Variants in SLC28A1 observed in about 807,000 individuals in gnomAD.
The protein encoded by SLC28A1 is solute carrier family 28 member 1.
Under a neutral mutation model 74.8 loss-of-function variants are expected in SLC28A1, and 64 were observed. That is an observed-to-expected ratio of 0.86 (90% CI 0.70 to 1.05). The LOEUF (loss-of-function observed/expected upper bound fraction) is 1.05, where lower values mean the gene tolerates loss of function less well. Among genes scored for constraint, SLC28A1 ranks in the 50% least tolerant of loss-of-function variants. The pLI, the probability that SLC28A1 is intolerant of heterozygous loss-of-function variation, is 0.00. For synonymous variants in SLC28A1, 359 were observed against 335.0 expected (o/e 1.07, Z -0.78); for missense variants, 828 against 822.8 (o/e 1.01, Z -0.08).
Position 84,887,780 on chromosome 15 carries a change from G to T in SLC28A1, c.20G>T (p.Arg7Ile). Residue 7 changes from arginine to isoleucine, a missense_variant, in exon 3 of 19, where the codon AGA becomes ATA. Physicochemically the swap from Arg to Ile is moderately conservative, Grantham distance 97 (BLOSUM62 -3). Around this residue, in one of 3 missense-constraint regions of SLC28A1, gnomAD observed 767 missense variants for 753.5 expected, o/e 1.02. Coordinates refer to ENST00000394573, the MANE Select transcript of SLC28A1 (RefSeq NM_004213.5). ...TGGGACATGGAGAACGACCCCTCGA[G>T]ACGAAGAGAGTCCATCTCTCTCACA... MENDPS[R>I]RRESISLTPV... 1.2e-6 allele frequency: 2 copies of T among 1,614,154 alleles called. No individual in the cohort carries two copies. The highest frequency in any genetic ancestry group is 1.7e-6 in the Non-Finnish European group (2 of 1,180,000).
chr15:84,956,780 C>T, the SLC28A1 span, among the ~76,000 whole-genome samples: 1 of 151,158 alleles, frequency 6.6e-6, no homozygotes, highest in African/African-American at 2.4e-5. Flanking sequence ...GCTGGGATTA[C>T]AGACGTGAGC....
chr15:84,923,100 G>A (rs1281445461), intron 11 of SLC28A1, among the ~76,000 whole-genome samples: 1 of 152,124 alleles, frequency 6.6e-6, no homozygotes, highest in South Asian at 2.1e-4. Flanking sequence ...AGCATGCCCG[G>A]CTAATTTTTG....
downstream of SLC28A1, among the ~76,000 whole-genome samples, chr15:84,946,108 A>ATTTTTTTTTTT (rs1567196454): frequency 1.8e-4 from 2 of 11,126 alleles, no homozygotes; most frequent in African/African-American, 5.5e-4. Context: ...ATATATATAT[A>ATTTTTTTTTTT]TATATTTTTT....
At chr15:84,927,306 T>C (rs1970630630) in intron 12 of SLC28A1, among the ~76,000 whole-genome samples, 1 of 152,310 alleles carries the variant, frequency 6.6e-6, no homozygotes, top group African/African-American at 2.4e-5. Context: ...ATTTATTTAA[T>C]GCATACACAC....
chr15:84,956,443 CT>C, the SLC28A1 span, among the ~76,000 whole-genome samples: 42 of 66,022 alleles, frequency 6.4e-4, no homozygotes, highest in African/African-American at 2.2e-3. Context: ...TCCTTCCTTC[CT>C]TTCTTTCTTT....
At chr15:84,946,839 C>T (rs943452480), downstream of SLC28A1, among the ~76,000 whole-genome samples, 14 of 152,126 alleles carry the variant, frequency 9.2e-5, no homozygotes, top group Non-Finnish European at 2.1e-4. Context: ...ATCTCCCTGC[C>T]GCCTGCCCTG....
rs17222379 is a variant in SLC28A1 at position 84,933,159 on chromosome 15, G to A, written c.1098G>A (p.Ser366=). ...CACTCTTGCAGATCGATGCCACCTC[G>A]TTGATTGCAGCCTCTGTGATGGCTG... ...AYISFGIDAT[S]LIAASVMAAP... The change falls in exon 13 of 19, where the codon TCG becomes TCA. Residue 366 remains serine (S), a synonymous_variant. Coordinates refer to ENST00000394573, the MANE Select transcript of SLC28A1 (RefSeq NM_004213.5). The A allele has an allele frequency of 3.4e-4, 541 of 1,613,518 alleles. 2 individuals are homozygous for A. In the African/African-American group the frequency reaches 5.8e-3, roughly 17 times the overall value.
chr15:84,942,315 T>C (rs1972807234), intron 15 of SLC28A1, among the ~76,000 whole-genome samples: 1 of 152,232 alleles, frequency 6.6e-6, no homozygotes, highest in Non-Finnish European at 1.5e-5. Context: ...TATTTTTAAA[T>C]GTACAATTAA....
chr15:84,931,513 G>C (rs935983460), intron 12 of SLC28A1, among the ~76,000 whole-genome samples: 1 of 150,760 alleles, frequency 6.6e-6, no homozygotes, highest in Non-Finnish European at 1.5e-5. Flanking sequence ...TTAGCTGGGC[G>C]TGGTGGTGGG....
At chr15:84,968,810 A>G in the SLC28A1 span, among the ~76,000 whole-genome samples, 2 of 152,144 alleles carry the variant, frequency 1.3e-5, no homozygotes, top group Admixed American at 6.5e-5. Flanking sequence ...CTCATCCCCA[A>G]AGTTCTTTTT....
chr15:84,906,398 G>C (rs62021369), intron 8 of SLC28A1, among the ~76,000 whole-genome samples: 89,200 of 151,826 alleles, frequency 0.59, 26,324 homozygotes, highest in South Asian at 0.69. Context: ...TCACTGCAGC[G>C]TTGACATCCT....
chr15:84,928,595 T>TC (rs1567172558), intron 12 of SLC28A1, among the ~76,000 whole-genome samples: 9 of 15,164 alleles, frequency 5.9e-4, no homozygotes, highest in Admixed American at 2.2e-3. Flanking sequence ...TCTTTCTTTC[T>TC]TTCTTTCTTT....
At chr15:84,939,811 T>G (rs906620758) in intron 15 of SLC28A1, 1 of 152,270 alleles carries the variant, frequency 6.6e-6, no homozygotes, top group African/African-American at 2.4e-5. Flanking sequence ...TTTTGAGTGG[T>G]ATATATGTAT....
At position 84,932,994 on chromosome 15, in the gene SLC28A1, T is replaced by C; in HGVS notation, c.1084-151T>C. The C allele has an allele frequency of 4.9e-5, 12 of 246,770 alleles. 4 individuals are homozygous for C. Among genetic ancestry groups the C allele is most frequent in the Admixed American group, 2.0e-4 (2 of 10,204 alleles). The allele number at this position is 246,770 out of a possible 1,614,324, so 15.3% of individuals were successfully genotyped here. A position where few individuals can be genotyped will look rare whatever the true frequency, so the allele number is the denominator to read the frequency against. ...TGTGACCTTCTACACATAAAAGGTA[T>C]TATTATTATTAGTGATGACAGCAGT... On this transcript the variant is annotated intron_variant, in intron 12 of 18. Coordinates refer to ENST00000394573, the MANE Select transcript of SLC28A1 (RefSeq NM_004213.5).
Position 84,886,689 on chromosome 15 carries a change from A to G in SLC28A1, c.-115A>G, listed in dbSNP as rs1337539635. The stretch of plus-strand genomic sequence containing the variant: ...CTGCCCAGGAATTTCTGCTGAAGTG[A>G]CAAGGCAAGCCAGAGCCAAAGCAGG... On this transcript the variant is annotated 5_prime_UTR_variant, in exon 2 of 19. It removes the in-frame stop codon of an upstream open reading frame in the 5' UTR. Coordinates refer to ENST00000394573, the MANE Select transcript of SLC28A1 (RefSeq NM_004213.5). 4 of 985,388 alleles carry G rather than the reference A, an allele frequency of 4.1e-6. No individual in the cohort carries two copies. The African/African-American group carries it at 5.2e-5, about 13-fold the overall frequency. The allele number at this position is 985,388 out of a possible 1,614,324, so 61.0% of individuals were successfully genotyped here. A position where few individuals can be genotyped will look rare whatever the true frequency, so the allele number is the denominator to read the frequency against.
the SLC28A1 span, among the ~76,000 whole-genome samples, chr15:84,971,171 C>A: frequency 6.6e-6 from 1 of 152,112 alleles, no homozygotes; most frequent in Non-Finnish European, 1.5e-5. Flanking sequence ...CAGTGGCCAG[C>A]CAGGAAAATG....
At chr15:84,938,113 T>C (rs969971555) in intron 15 of SLC28A1, among the ~76,000 whole-genome samples, 11 of 149,966 alleles carry the variant, frequency 7.3e-5, no homozygotes, top group African/African-American at 2.7e-4. Flanking sequence ...GGCAAGAGAC[T>C]CTCTTGAACC....
At chr15:84,921,178 C>A (rs1833654329) in intron 11 of SLC28A1, 109 bp downstream of exon 11, 2 of 847,180 alleles carry the variant, frequency 2.4e-6, no homozygotes, top group Non-Finnish European at 4.0e-6. Flanking sequence ...GCCATTTGAA[C>A]CTTCTCCCAG....
intron 12 of SLC28A1, among the ~76,000 whole-genome samples, chr15:84,928,602 C>T (rs1176671269): frequency 3.6e-4 from 3 of 8,308 alleles, no homozygotes; most frequent in African/African-American, 2.6e-3. Flanking sequence ...TTCTTTCTTT[C>T]TTTTCTTTCT....
Sources: allele counts gnomAD v4.1 joint callset (sites outside exome capture counted in the v4.1 genomes callset), GRCh38; gene constraint gnomAD v4.1.1; regional missense constraint gnomAD v4.1.1; transcripts MANE v1.5; gene names NCBI Gene and HGNC (gene_info 2026-07-23, HGNC 2026-07-21).